GALNTL6: variants seen among roughly 807,000 people sequenced by gnomAD.
GALNTL6 encodes the protein polypeptide N-acetylgalactosaminyltransferase-like 6.
Under a neutral mutation model 73.7 loss-of-function variants are expected in GALNTL6, and 46 were observed. That is an observed-to-expected ratio of 0.62 (90% CI 0.49 to 0.80). The LOEUF is 0.80. Ranked by LOEUF, GALNTL6 falls within the 30% of genes least tolerant of loss-of-function variation. The pLI is 0.00. For synonymous variants in GALNTL6, 259 were observed against 263.7 expected (o/e 0.98, Z 0.17); for missense variants, 604 against 755.0 (o/e 0.80, Z 2.34).
At chr4:172,971,126 A>G (rs749058895) in intron 10 of GALNTL6, among the ~76,000 whole-genome samples, 10 of 152,178 alleles carry the variant, frequency 6.6e-5, no homozygotes, top group Non-Finnish European at 1.2e-4. Context: ...TAATAAAAGA[A>G]TGAGTTTGGC....
At chr4:171,879,854 A>G (rs941302567) in intron 2 of GALNTL6, among the ~76,000 whole-genome samples, 9 of 152,186 alleles carry the variant, frequency 5.9e-5, no homozygotes, top group African/African-American at 1.7e-4. Context: ...TCAAATCTCA[A>G]CTTGGATTGG....
chr4:172,882,730 G>C, intron 7 of GALNTL6, 60 bp from the exon 8 acceptor site: 1 of 1,123,662 alleles, frequency 8.9e-7, no homozygotes, highest in East Asian at 2.4e-5. Context: ...TTTTCCCAAG[G>C]AAAATGCCAT....
chr4:172,683,730 A>G (rs1357431068), intron 5 of GALNTL6, among the ~76,000 whole-genome samples: 5 of 152,246 alleles, frequency 3.3e-5, no homozygotes, highest in Admixed American at 1.3e-4. Context: ...CTAGGGACAC[A>G]TAAATTGAAC....
chr4:172,269,722 TTCTC>T (rs71592064), intron 3 of GALNTL6, among the ~76,000 whole-genome samples: 19,873 of 151,338 alleles, frequency 0.13, 1,389 homozygotes, highest in East Asian at 0.29. Context: ...TTTTTATGCA[TTCTC>T]TCTCTCTCTC....
intron 8 of GALNTL6, among the ~76,000 whole-genome samples, chr4:172,923,814 A>G (rs1189515991): frequency 6.6e-6 from 1 of 152,164 alleles, no homozygotes; most frequent in Non-Finnish European, 1.5e-5. Context: ...GCAGCAGGCA[A>G]AAAGAGCTTG....
chr4:171,877,367 A>G (rs1409236304), intron 2 of GALNTL6, among the ~76,000 whole-genome samples: 3 of 152,016 alleles, frequency 2.0e-5, no homozygotes, highest in African/African-American at 4.8e-5. Flanking sequence ...CAGAATATTG[A>G]CTCTGGATAT....
intron 7 of GALNTL6, among the ~76,000 whole-genome samples, chr4:172,866,861 G>T (rs1428517178): frequency 6.6e-6 from 1 of 152,116 alleles, no homozygotes; most frequent in Non-Finnish European, 1.5e-5. Context: ...CTTGTGCTAT[G>T]AATTTAATAA....
At chr4:172,495,665 C>T (rs1359825024) in intron 5 of GALNTL6, among the ~76,000 whole-genome samples, 1 of 152,044 alleles carries the variant, frequency 6.6e-6, no homozygotes, top group Non-Finnish European at 1.5e-5. Flanking sequence ...TGGGAAAATG[C>T]CTTTAGTACT....
At chr4:172,262,190 T>C (rs771471400) in intron 3 of GALNTL6, among the ~76,000 whole-genome samples, 4 of 151,408 alleles carry the variant, frequency 2.6e-5, no homozygotes, top group Non-Finnish European at 4.4e-5. Flanking sequence ...GTGTCTTCAT[T>C]GACTTTCTGT....
intron 3 of GALNTL6, among the ~76,000 whole-genome samples, chr4:172,272,050 T>C (rs566881395): frequency 8.5e-5 from 13 of 152,138 alleles, no homozygotes; most frequent in Admixed American, 2.6e-4. Flanking sequence ...CCTCCCAGGT[T>C]CAAGTGATTC....
chr4:171,828,228 G>A (rs1761482817), intron 2 of GALNTL6, among the ~76,000 whole-genome samples: 1 of 152,172 alleles, frequency 6.6e-6, no homozygotes, highest in South Asian at 2.1e-4. Context: ...GTGGGTTCAA[G>A]TATCACGAGC....
At chr4:172,569,485 G>A (rs145903143) in intron 5 of GALNTL6, among the ~76,000 whole-genome samples, 37 of 152,304 alleles carry the variant, frequency 2.4e-4, no homozygotes, top group African/African-American at 6.3e-4. Flanking sequence ...ATTGCAATGC[G>A]TGAAAATGAT....
At chr4:172,766,021 ACTAC>A (rs201781049) in intron 5 of GALNTL6, among the ~76,000 whole-genome samples, 2,087 of 152,282 alleles carry the variant, frequency 0.014, 47 homozygotes, top group African/African-American at 0.048. Context: ...CTAAGACTGG[ACTAC>A]CTACAAGCAG....
chr4:172,775,170 G>T (rs942054776), intron 5 of GALNTL6, among the ~76,000 whole-genome samples: 30 of 152,020 alleles, frequency 2.0e-4, no homozygotes, highest in Admixed American at 1.3e-4. Context: ...AGCAAGTATA[G>T]TTGTACAACT....
chr4:172,244,315 A>G (rs1357329289), intron 3 of GALNTL6, among the ~76,000 whole-genome samples: 2 of 152,154 alleles, frequency 1.3e-5, no homozygotes, highest in South Asian at 2.1e-4. Context: ...TTGAATGACA[A>G]TTATCTAGAG....
At chr4:171,958,328 C>G (rs420648) in intron 2 of GALNTL6, among the ~76,000 whole-genome samples, 72,449 of 151,990 alleles carry the variant, frequency 0.48, 17,756 homozygotes, top group East Asian at 0.59. Context: ...AACAAATACA[C>G]AAGTCTTTTT....
At chr4:172,666,595 T>C (rs1001183123) in intron 5 of GALNTL6, among the ~76,000 whole-genome samples, 2 of 152,194 alleles carry the variant, frequency 1.3e-5, no homozygotes, top group Admixed American at 6.6e-5. Flanking sequence ...TATTGACCCT[T>C]GTAGTCAAGG....
At chr4:172,353,396 T>G (rs1213205011) in intron 5 of GALNTL6, among the ~76,000 whole-genome samples, 1 of 152,186 alleles carries the variant, frequency 6.6e-6, no homozygotes, top group African/African-American at 2.4e-5. Context: ...TAAATTTTGC[T>G]GTTTGTTTAT....
chr4:172,375,249 T>G (rs1318333559), intron 5 of GALNTL6, among the ~76,000 whole-genome samples: 1 of 152,160 alleles, frequency 6.6e-6, no homozygotes, highest in East Asian at 1.9e-4. Context: ...TCTATTTGCC[T>G]TCCCTCTTAC....
Sources: gnomAD v4.1 joint callset for allele counts (sites outside exome capture counted in the v4.1 genomes callset) on GRCh38, gnomAD v4.1.1 for gene constraint, MANE v1.5 for transcripts, NCBI Gene and HGNC (gene_info 2026-07-23, HGNC 2026-07-21) for gene names.